Variants in DUSP16 observed in about 807,000 individuals in gnomAD.
The protein encoded by DUSP16 is dual specificity protein phosphatase 16.
Under a neutral mutation model 58.3 loss-of-function variants are expected in DUSP16, and 21 were observed. That is an observed-to-expected ratio of 0.36 (90% CI 0.26 to 0.52). The LOEUF is 0.52. Among genes scored for constraint, DUSP16 ranks in the 20% least tolerant of loss-of-function variants. The pLI, the probability that DUSP16 is intolerant of heterozygous loss-of-function variation, is 0.94. For synonymous variants in DUSP16, 320 were observed against 323.8 expected, an observed-to-expected ratio of 0.99 and a Z score of 0.12; for missense variants, 726 against 819.0, an observed-to-expected ratio of 0.89 and a Z score of 1.39.
At chr12:12,540,300 A>G (rs1176986169) in intron 1 of DUSP16, among the ~76,000 whole-genome samples, 1 of 152,078 alleles carries the variant, frequency 6.6e-6, no homozygotes, top group Non-Finnish European at 1.5e-5. Context: ...ACTGCACTCC[A>G]GCCTGGGCCA....
At chr12:12,550,575 G>C (rs549197759) in intron 1 of DUSP16, among the ~76,000 whole-genome samples, 25 of 152,184 alleles carry the variant, frequency 1.6e-4, no homozygotes, top group African/African-American at 5.8e-4. Context: ...TAAAAACCCA[G>C]TTTCACCCAT....
At chr12:12,500,765 T>G (rs1036400646) in intron 3 of DUSP16, 83 bp from the exon 4 acceptor site, 2 of 1,294,002 alleles carry the variant, frequency 1.5e-6, no homozygotes, top group African/African-American at 3.0e-5. Context: ...CTCAAACAGT[T>G]TAAACCCACG....
chr12:12,552,256 G>A (rs1295492954), intron 1 of DUSP16, among the ~76,000 whole-genome samples: 1 of 151,906 alleles, frequency 6.6e-6, no homozygotes, highest in Non-Finnish European at 1.5e-5. Context: ...GACCAGCCTG[G>A]TCAATATGCT....
intron 3 of DUSP16, among the ~76,000 whole-genome samples, chr12:12,510,833 A>G (rs555099464): frequency 1.0e-3 from 156 of 152,312 alleles, no homozygotes; most frequent in Non-Finnish European, 2.0e-3. Context: ...AATAGCAGAG[A>G]GAAGAGCCCA....
intron 6 of DUSP16, among the ~76,000 whole-genome samples, chr12:12,479,587 T>C (rs189850500): frequency 2.6e-5 from 4 of 152,216 alleles, no homozygotes; most frequent in Non-Finnish European, 5.9e-5. Flanking sequence ...AAAATCCAAC[T>C]GTTAAATCAG....
chr12:12,561,669 G>A (rs1203061319), intron 1 of DUSP16, among the ~76,000 whole-genome samples: 1 of 152,206 alleles, frequency 6.6e-6, no homozygotes, highest in African/African-American at 2.4e-5. Context: ...GGGATAATGG[G>A]AACAGTCAGG....
intron 1 of DUSP16, among the ~76,000 whole-genome samples, chr12:12,545,646 T>G (rs941771462): frequency 6.6e-6 from 1 of 152,172 alleles, no homozygotes; most frequent in African/African-American, 2.4e-5. Flanking sequence ...CTTTTTGGTG[T>G]ACAGTTCTAT....
chr12:12,526,774 C>A (rs1944313773), intron 1 of DUSP16, among the ~76,000 whole-genome samples: 1 of 152,054 alleles, frequency 6.6e-6, no homozygotes, highest in Non-Finnish European at 1.5e-5. Context: ...TGACTATATC[C>A]CACTCAGAAA....
chr12:12,540,944 C>CTTTTTTTTTTTTTTTTTTT (rs1199026965), intron 1 of DUSP16, among the ~76,000 whole-genome samples: 8 of 100,686 alleles, frequency 7.9e-5, no homozygotes, highest in East Asian at 3.2e-4. Flanking sequence ...CTTTTCTTTT[C>CTTTTTTTTTTTTTTTTTTT]TTTTCTTTTT....
At chr12:12,548,612 CAG>C (rs571851905) in intron 1 of DUSP16, among the ~76,000 whole-genome samples, 95 of 115,532 alleles carry the variant, frequency 8.2e-4, no homozygotes, top group African/African-American at 2.6e-3. Context: ...AACCTGGTGA[CAG>C]AGTGAGACTC....
At chr12:12,486,753 A>G (rs904870653) in intron 5 of DUSP16, among the ~76,000 whole-genome samples, 1 of 152,220 alleles carries the variant, frequency 6.6e-6, no homozygotes, top group East Asian at 1.9e-4. Context: ...CTGATTTTCA[A>G]ACACCTGCAA....
At chr12:12,536,689 G>A (rs889950884) in intron 1 of DUSP16, among the ~76,000 whole-genome samples, 2 of 151,720 alleles carry the variant, frequency 1.3e-5, no homozygotes, top group Admixed American at 1.3e-4. Context: ...AGGTCGCAGT[G>A]AGCCAAGATC....
At chr12:12,502,519 G>A (rs780918211) in intron 3 of DUSP16, among the ~76,000 whole-genome samples, 81 of 151,722 alleles carry the variant, frequency 5.3e-4, no homozygotes, top group Non-Finnish European at 1.5e-4. Flanking sequence ...CAGGCCCTCA[G>A]GATACCTGCA....
At chr12:12,559,352 T>C (rs1437086034) in intron 1 of DUSP16, among the ~76,000 whole-genome samples, 1 of 152,254 alleles carries the variant, frequency 6.6e-6, no homozygotes, top group Non-Finnish European at 1.5e-5. Flanking sequence ...TCTTTTTAAC[T>C]AGTTTCTTTC....
At chr12:12,536,105 C>T (rs897304488) in intron 1 of DUSP16, among the ~76,000 whole-genome samples, 1 of 152,158 alleles carries the variant, frequency 6.6e-6, no homozygotes, top group Non-Finnish European at 1.5e-5. Context: ...TGACTAGTCT[C>T]CTTACAGTAC....
At position 12,477,559 on chromosome 12, in the gene DUSP16, T is replaced by C. The variant is rs1263190176; in HGVS notation, c.1272A>G (p.Glu424=). The C allele has an allele frequency of 6.2e-7, 1 of 1,613,010 alleles. No individual in the cohort carries two copies. The highest frequency in any genetic ancestry group is 1.7e-5 in the Admixed American group (1 of 59,936). ...AASLHGFSSS[E]DALEYYKPST... is the part of the protein sequence containing the mutation. ...AAGGTTTGTAGTATTCCAAAGCATCTTCTGATGAGGAGAAGCCATGTAAGG... is the reference window on the plus strand; with the variant it reads ...AAGGTTTGTAGTATTCCAAAGCATCCTCTGATGAGGAGAAGCCATGTAAGG... The change falls in exon 7 of 7, where the codon GAA becomes GAG. Residue 424 remains glutamate (E), a synonymous_variant. Coordinates refer to ENST00000298573, the MANE Select transcript of DUSP16 (RefSeq NM_030640.3). This position sits in a 1 kb window ranked among gnomAD's most constrained non-coding sequence, Gnocchi z 4.1.
At chr12:12,504,970 A>T (rs550788843) in intron 3 of DUSP16, among the ~76,000 whole-genome samples, 1 of 152,348 alleles carries the variant, frequency 6.6e-6, no homozygotes, top group East Asian at 1.9e-4. Context: ...CTTGAATTTC[A>T]TTTGAACCTT....
chr12:12,477,511 G>C lies in DUSP16; in HGVS notation c.1320C>G (p.Asn440Lys), dbSNP rs758578113. ...YKPSTTLDGT[N>K]KLCQFSPVQE... ...GAACAGGGGAGAACTGGCATAGCTT[G>C]TTGGTCCCATCCAGAGTAGTGGAAG... is the stretch of plus-strand genomic sequence containing the variant. Residue 440 changes from asparagine (N) to lysine (K), a missense_variant, in exon 7 of 7, where the codon AAC (asparagine) becomes AAG (lysine). Physicochemically the swap from Asn to Lys is moderately conservative, Grantham distance 94. Transcript: ENST00000298573. The surrounding 1 kb of genome is among the most constrained non-coding windows in gnomAD (Gnocchi z 4.1). 1 of 1,599,868 alleles carries C rather than the reference G, an allele frequency of 6.3e-7. No homozygotes were observed. The highest frequency in any genetic ancestry group is 1.1e-5 in the South Asian group (1 of 88,954).
chr12:12,515,147 A>G (rs1009393581), intron 3 of DUSP16, among the ~76,000 whole-genome samples: 3 of 152,108 alleles, frequency 2.0e-5, no homozygotes, highest in Non-Finnish European at 4.4e-5. Flanking sequence ...ATACTTAATT[A>G]TATAAGCTTT....
Sources: gnomAD v4.1 joint callset for allele counts (sites outside exome capture counted in the v4.1 genomes callset) on GRCh38, gnomAD v4.1.1 for gene constraint, Gnocchi (gnomAD v3.1) non-coding constraint, MANE v1.5 for transcripts, NCBI Gene and HGNC (gene_info 2026-07-23, HGNC 2026-07-21) for gene names.